USP38: variants seen among roughly 807,000 people sequenced by gnomAD.
USP38 encodes the protein ubiquitin carboxyl-terminal hydrolase 38.
In USP38, 49 loss-of-function variants were observed where a neutral mutation model predicts 94.3. The ratio of observed to expected loss-of-function variants is 0.52; its 90% CI spans 0.41 to 0.66. The LOEUF (loss-of-function observed/expected upper bound fraction) is 0.66. USP38 is among the 30% of genes least tolerant of loss of function. USP38 has a pLI of 0.00. For missense variants in USP38, 1,128 were observed against 1,229.4 expected (o/e 0.92, Z 1.23); for synonymous variants, 468 against 463.6 (o/e 1.01, Z -0.12).
chr4:143,207,995 T>C (rs1218483279), intron 6 of USP38, among the ~76,000 whole-genome samples: 4 of 152,174 alleles, frequency 2.6e-5, no homozygotes, highest in African/African-American at 9.6e-5. Context: ...GGTAATTTGT[T>C]AACAGTTACG....
intron 7 of USP38, among the ~76,000 whole-genome samples, chr4:143,210,053 TGTG>T (rs1731980841): frequency 6.6e-6 from 1 of 152,174 alleles, no homozygotes; most frequent in Admixed American, 6.5e-5. Flanking sequence ...AAAATAATAT[TGTG>T]GTGCCTGGGC....
Position 143,207,121 on chromosome 4 carries a change from A to C in USP38, c.1403+895A>C, listed in dbSNP as rs532195068. ...CGATAAACTTTTCCTGAAGACAAAAACATGATTGAATTTTTCTCCTGATTA... is the reference window on the plus strand; with the variant it reads ...CGATAAACTTTTCCTGAAGACAAAACCATGATTGAATTTTTCTCCTGATTA... On this transcript the variant is annotated intron_variant, in intron 6 of 9. Coordinates refer to ENST00000307017, the MANE Select transcript of USP38 (RefSeq NM_032557.6). Among the ~76,000 whole-genome samples, 3 of 152,352 alleles carry C rather than the reference A, an allele frequency of 2.0e-5. No individual in the cohort carries two copies. The East Asian group carries it at 5.8e-4, about 29-fold the overall frequency.
intron 4 of USP38, among the ~76,000 whole-genome samples, chr4:143,202,150 TA>T (rs1561242218): frequency 6.6e-6 from 1 of 152,202 alleles, no homozygotes; most frequent in African/African-American, 2.4e-5. Context: ...GACAGAAGTA[TA>T]ATTCATATTT....
chr4:143,215,089 A>G (rs898630718), intron 9 of USP38, 146 bp downstream of exon 9: 16 of 803,040 alleles, frequency 2.0e-5, no homozygotes, highest in Admixed American at 6.2e-5. Flanking sequence ...CTCAACCTGT[A>G]TAACTAAATT....
At chr4:143,205,053 G>A (rs938786770) in intron 5 of USP38, among the ~76,000 whole-genome samples, 12 of 152,142 alleles carry the variant, frequency 7.9e-5, no homozygotes, top group Non-Finnish European at 1.8e-4. Context: ...TTGTGAAGTG[G>A]ATTTGATGGT....
chr4:143,189,598 C>T (rs1731335423), intron 2 of USP38, among the ~76,000 whole-genome samples: 1 of 152,022 alleles, frequency 6.6e-6, no homozygotes. Flanking sequence ...AGGTCTTCCT[C>T]TTCTAGCGTT....
At chr4:143,212,843 A>G (rs1732065444) in intron 8 of USP38, among the ~76,000 whole-genome samples, 1 of 152,164 alleles carries the variant, frequency 6.6e-6, no homozygotes, top group African/African-American at 2.4e-5. Flanking sequence ...AAACACTGCC[A>G]TTCTTACTTT....
At chr4:143,203,653 T>C in intron 5 of USP38, 87 bp downstream of exon 5, 1 of 1,382,828 alleles carries the variant, frequency 7.2e-7, no homozygotes. Flanking sequence ...CAATTTACTA[T>C]TTTATGGTAA....
intron 2 of USP38, among the ~76,000 whole-genome samples, chr4:143,192,059 T>G (rs1318583004): frequency 6.6e-6 from 1 of 152,242 alleles, no homozygotes; most frequent in African/African-American, 2.4e-5. Context: ...TAAATGCCAG[T>G]ACTATTATTT....
intron 7 of USP38, among the ~76,000 whole-genome samples, chr4:143,211,152 G>A (rs1161091369): frequency 6.6e-6 from 1 of 151,922 alleles, no homozygotes; most frequent in Non-Finnish European, 1.5e-5. Flanking sequence ...AAAAATCTTA[G>A]GGGAGGTTTC....
intron 3 of USP38, among the ~76,000 whole-genome samples, chr4:143,196,785 A>G (rs1731560654): frequency 6.6e-6 from 1 of 152,128 alleles, no homozygotes. Flanking sequence ...TGAATCTCAG[A>G]TTCACTTTAT....
rs1268284330 is a variant in USP38 at position 143,185,648 on chromosome 4, G to A, written c.198G>A (p.Glu66=). The A allele has an allele frequency of 1.9e-6, 3 of 1,613,976 alleles. No individual in the cohort carries two copies. Among genetic ancestry groups the A allele is most frequent in the Non-Finnish European group, 2.5e-6 (3 of 1,180,028 alleles). ...GGCAGGTGGGGCACCAGGTGCTGGA[G>A]GCCTACGCACGATACCACCGGCCAG... ...FQRQVGHQVL[E]AYARYHRPEF... The change falls in exon 1 of 10, where the codon GAG becomes GAA. Residue 66 remains glutamate, a synonymous_variant. Transcript: ENST00000307017.
intron 6 of USP38, among the ~76,000 whole-genome samples, chr4:143,207,597 T>C (rs927651228): frequency 6.6e-6 from 1 of 152,130 alleles, no homozygotes; most frequent in Non-Finnish European, 1.5e-5. Flanking sequence ...GGCTCCAGAT[T>C]ATAATATCAG....
rs766518535 is a variant in USP38, at chr4:143,195,791, A to G, written c.894A>G (p.Ala298=). 3 of 1,613,842 alleles carry G rather than the reference A, an allele frequency of 1.9e-6. No individual in the cohort carries two copies. The highest frequency in any genetic ancestry group is 2.5e-6 in the Non-Finnish European group (3 of 1,179,864). ...TWVIALLKGL[A]AVQKFTILID... ...TAATTGCACTCCTGAAAGGACTGGC[A>G]GCTGTCCAGAAGTTTACTATTTTGA... Residue 298 remains alanine (A), a synonymous_variant, in exon 3 of 10, where the codon GCA becomes GCG. Transcript: ENST00000307017.
rs762172650 is a variant in USP38, at chr4:143,195,761, A to G, written c.864A>G (p.Thr288=). 25 of 1,613,280 alleles carry G rather than the reference A, an allele frequency of 1.5e-5. No homozygotes were observed. In the Admixed American group the frequency reaches 2.3e-4, roughly 15 times the overall value. ...GGCCATTGGCTCAGCATGTGGATAC[A>G]TGGGTAATTGCACTCCTGAAAGGAC... ...LSWPLAQHVD[T]WVIALLKGLA... is the part of the protein sequence containing the mutation. Residue 288 remains threonine, a synonymous_variant, in exon 3 of 10, where the codon ACA becomes ACG. Coordinates refer to ENST00000307017, the MANE Select transcript of USP38 (RefSeq NM_032557.6).
chr4:143,219,490 G>A (rs1198193946), intron 9 of USP38, among the ~76,000 whole-genome samples: 2 of 152,098 alleles, frequency 1.3e-5, no homozygotes, highest in African/African-American at 4.8e-5. Flanking sequence ...AATGTTAACT[G>A]TATTTTGAAA....
intron 9 of USP38, among the ~76,000 whole-genome samples, chr4:143,218,616 C>A (rs1302988860): frequency 6.6e-6 from 1 of 151,990 alleles, no homozygotes; most frequent in African/African-American, 2.4e-5. Flanking sequence ...TTCATGGGTA[C>A]AGATGCAATG....
chr4:143,212,187 C>G (rs574251304), intron 7 of USP38, 131 bp from the exon 8 acceptor site: 1 of 591,474 alleles, frequency 1.7e-6, no homozygotes, highest in Admixed American at 3.9e-5. Context: ...TAAGTTGCCA[C>G]GTCCGGCACT....
rs917263588 is a variant in USP38, at chr4:143,221,744, G to A, written c.*1288G>A. ...CAGTTGTGCATTGTTCTGAAGATTGGTCTCATATTTATTTTGAAAACACTT... is the reference window on the plus strand; with the variant it reads ...CAGTTGTGCATTGTTCTGAAGATTGATCTCATATTTATTTTGAAAACACTT... On this transcript the variant is annotated 3_prime_UTR_variant, in exon 10 of 10. Coordinates refer to ENST00000307017, the MANE Select transcript of USP38 (RefSeq NM_032557.6). 1 of 151,944 alleles carries A rather than the reference G, an allele frequency of 6.6e-6. No individual in the cohort carries two copies. Among genetic ancestry groups the A allele is most frequent in the South Asian group, 2.1e-4 (1 of 4,818 alleles). 9.4% of individuals were successfully genotyped at this position (151,944 alleles called of 1,614,324 possible). A position where few individuals can be genotyped will look rare whatever the true frequency, so the allele number is the denominator to read the frequency against.
Sources: gnomAD v4.1 joint callset for allele counts (sites outside exome capture counted in the v4.1 genomes callset) on GRCh38, gnomAD v4.1.1 for gene constraint, MANE v1.5 for transcripts, NCBI Gene and HGNC (gene_info 2026-07-23, HGNC 2026-07-21) for gene names.